COL6A6: variants seen among roughly 807,000 people sequenced by gnomAD.
The protein encoded by COL6A6 is collagen alpha-6(VI) chain.
In COL6A6, 183 loss-of-function variants were observed where a neutral mutation model predicts 208.6. The ratio of observed to expected loss-of-function variants is 0.88; its 90% confidence interval spans 0.78 to 0.99. The LOEUF (loss-of-function observed/expected upper bound fraction) is 0.99. Among genes scored for constraint, COL6A6 ranks in the 50% least tolerant of loss-of-function variants. The pLI is 0.00. For synonymous variants in COL6A6, 973 were observed against 1,011.8 expected (o/e 0.96, Z 0.73); for missense variants, 2,816 against 2,815.2 (o/e 1.00, Z -0.01).
chr3:130,577,818 T>G (rs1275065750), intron 8 of COL6A6, among the ~76,000 whole-genome samples: 2 of 152,188 alleles, frequency 1.3e-5, no homozygotes, highest in Non-Finnish European at 2.9e-5. Context: ...TCATTGAGAG[T>G]TAGCTAATAT....
At chr3:130,591,753 G>T (rs1267349194) in intron 13 of COL6A6, among the ~76,000 whole-genome samples, 1 of 152,156 alleles carries the variant, frequency 6.6e-6, no homozygotes, top group African/African-American at 2.4e-5. Context: ...TTACACAAGG[G>T]CTAGACTAGA....
Position 130,540,992 on chromosome 3 carries a change from A to AT in COL6A6, c.-31-19335dup, listed in dbSNP as rs569938132. Among the ~76,000 whole-genome samples, 165 of 152,230 alleles carry AT rather than the reference A, an allele frequency of 1.1e-3. 1 individual carries two copies. The highest frequency in any genetic ancestry group is 3.8e-3 in the African/African-American group (158 of 41,530). ...ATGTGTGCATATATCTTTATAATAG[A>AT]TTTTTTTATATTCCTTTGGGTATAT... is the stretch of plus-strand genomic sequence containing the variant. On this transcript the variant is annotated intron_variant, in intron 1 of 36. Transcript: ENST00000358511.
chr3:130,622,375 T>C (rs1034548290), intron 24 of COL6A6, among the ~76,000 whole-genome samples: 1 of 152,112 alleles, frequency 6.6e-6, no homozygotes, highest in Non-Finnish European at 1.5e-5. Flanking sequence ...GTGCCTGGCA[T>C]GTAATATGTG....
At chr3:130,619,773 A>G (rs892674377) in intron 23 of COL6A6, among the ~76,000 whole-genome samples, 30 of 152,118 alleles carry the variant, frequency 2.0e-4, no homozygotes, top group Admixed American at 8.5e-4. Context: ...GAAGTGAGGT[A>G]GTGGAAGGGT....
intron 1 of COL6A6, among the ~76,000 whole-genome samples, chr3:130,521,112 T>C (rs1460993255): frequency 6.6e-6 from 1 of 152,176 alleles, no homozygotes; most frequent in South Asian, 2.1e-4. Context: ...GATGTGAACA[T>C]TGATTTGACT....
At chr3:130,560,881 T>G (rs879335835) in intron 2 of COL6A6, among the ~76,000 whole-genome samples, 2 of 152,352 alleles carry the variant, frequency 1.3e-5, no homozygotes, top group East Asian at 3.9e-4. Context: ...CTGCCTTCTG[T>G]CTGTTGGCAA....
intron 1 of COL6A6, among the ~76,000 whole-genome samples, chr3:130,519,889 C>G (rs1256248894): frequency 2.0e-5 from 3 of 152,162 alleles, no homozygotes; most frequent in Non-Finnish European, 4.4e-5. Flanking sequence ...GTGTTCTGAC[C>G]TCACTCAAAT....
At chr3:130,635,907 A>AGGAAGAGGCAGAAGAAGAGGAGTTTCCTT in intron 28 of COL6A6, 146 bp downstream of exon 28, 1 of 630,970 alleles carries the variant, frequency 1.6e-6, no homozygotes. Flanking sequence ...GGGGAAGGGG[A>AGGAAGAGGCAGAAGAAGAGGAGTTTCCTT]ATGGATAGTC....
At chr3:130,551,561 G>T (rs904580179) in intron 1 of COL6A6, among the ~76,000 whole-genome samples, 10 of 149,492 alleles carry the variant, frequency 6.7e-5, no homozygotes, top group African/African-American at 2.5e-4. Context: ...CTTGTTTTCT[G>T]TATTAGTCTA....
chr3:130,560,148 C>A (rs10934947), intron 1 of COL6A6, among the ~76,000 whole-genome samples, 186 bp from the exon 2 acceptor site: 1 of 152,118 alleles, frequency 6.6e-6, no homozygotes, highest in East Asian at 1.9e-4. Flanking sequence ...AAAACTCTTA[C>A]GACTTTGTAA....
At chr3:130,642,193 G>T (rs184370108) in intron 29 of COL6A6, among the ~76,000 whole-genome samples, 2 of 151,366 alleles carry the variant, frequency 1.3e-5, no homozygotes, top group Admixed American at 1.3e-4. Flanking sequence ...GAACACATAA[G>T]ATTAAAACCA....
chr3:130,562,093 A>G (rs2062902930), intron 2 of COL6A6, among the ~76,000 whole-genome samples: 6 of 152,188 alleles, frequency 3.9e-5, no homozygotes, highest in Admixed American at 3.9e-4. Flanking sequence ...CATACACCAC[A>G]CATATACTTC....
intron 36 of COL6A6, among the ~76,000 whole-genome samples, chr3:130,670,972 C>T (rs577904846): frequency 1.3e-5 from 2 of 152,278 alleles, no homozygotes; most frequent in African/African-American, 4.8e-5. Context: ...AGAGACTGGA[C>T]ACCCCTCTGC....
chr3:130,623,102 G>A (rs2064785652), intron 24 of COL6A6, among the ~76,000 whole-genome samples: 1 of 152,128 alleles, frequency 6.6e-6, no homozygotes, highest in African/African-American at 2.4e-5. Flanking sequence ...ACTTTTGAAT[G>A]GAGTGGATGA....
At chr3:130,665,967 G>C (rs1414703744) in intron 36 of COL6A6, among the ~76,000 whole-genome samples, 1 of 152,136 alleles carries the variant, frequency 6.6e-6, no homozygotes, top group East Asian at 1.9e-4. Context: ...GATGCAGTGG[G>C]AGGTGCACAA....
intron 1 of COL6A6, among the ~76,000 whole-genome samples, chr3:130,533,592 G>C (rs891434013): frequency 3.9e-5 from 6 of 152,280 alleles, no homozygotes; most frequent in Middle Eastern, 3.4e-3. Flanking sequence ...TTACAGACAA[G>C]TTAGAAATCC....
chr3:130,563,488 T>C lies in COL6A6; in HGVS notation c.485T>C (p.Ile162Thr). 1 of 1,614,002 alleles carries C rather than the reference T, an allele frequency of 6.2e-7. No individual in the cohort carries two copies. The highest frequency in any genetic ancestry group is 1.1e-5 in the South Asian group (1 of 91,080). Residue 162 changes from isoleucine (I) to threonine (T), a missense_variant, in exon 3 of 37, where the codon ATC becomes ACC. Ile to Thr is a moderately conservative substitution (Grantham distance 89). Transcript: ENST00000358511. ...CTGCGGAAAGACGGAGTGAAAATCA[T>C]CTCTGTAGGGGTGCAGAAAGCTTCT... ...KALRKDGVKI[I>T]SVGVQKASEE... is the part of the protein sequence containing the mutation.
intron 28 of COL6A6, among the ~76,000 whole-genome samples, chr3:130,638,235 A>G (rs1369065034): frequency 6.6e-6 from 1 of 152,122 alleles, no homozygotes; most frequent in African/African-American, 2.4e-5. Context: ...AGAATTGACA[A>G]TATGCCTCTA....
At chr3:130,650,383 G>A (rs1259050983) in intron 33 of COL6A6, among the ~76,000 whole-genome samples, 1 of 152,214 alleles carries the variant, frequency 6.6e-6, no homozygotes, top group Non-Finnish European at 1.5e-5. Flanking sequence ...AGCACTTTGG[G>A]AGGCCGAGGC....
Sources: allele counts gnomAD v4.1 joint callset (sites outside exome capture counted in the v4.1 genomes callset), GRCh38; gene constraint gnomAD v4.1.1; transcripts MANE v1.5; gene names NCBI Gene and HGNC (gene_info 2026-07-23, HGNC 2026-07-21).